Variants in PSMD14 observed in about 807,000 individuals in gnomAD.
PSMD14 encodes ubiquitin C-terminal hydrolase PSMD14.
PSMD14 carries 7 observed loss-of-function variants against 41.2 expected under a neutral mutation model. The observed-to-expected ratio is 0.17, with a 90% CI of 0.10 to 0.32. The LOEUF is 0.32. Among genes scored for constraint, PSMD14 ranks in the 10% least tolerant of loss-of-function variants. The pLI, the probability that PSMD14 is intolerant of heterozygous loss-of-function variation, is 1.00. For synonymous variants in PSMD14, 114 were observed against 122.3 expected (o/e 0.93, Z 0.45); for missense variants, 139 against 375.6 (o/e 0.37, Z 5.21).
At chr2:161,394,219 T>C (rs777641319) in intron 9 of PSMD14, among the ~76,000 whole-genome samples, 20 of 151,960 alleles carry the variant, frequency 1.3e-4, no homozygotes, top group Non-Finnish European at 2.1e-4. Context: ...TGATTCACCC[T>C]CCTTGGCCTC....
chr2:161,320,400 C>A (rs1689190302), intron 3 of PSMD14, among the ~76,000 whole-genome samples: 1 of 152,128 alleles, frequency 6.6e-6, no homozygotes. Flanking sequence ...AGCTTTATAT[C>A]AAGTGAAAAA....
intron 8 of PSMD14, among the ~76,000 whole-genome samples, chr2:161,388,217 G>C (rs1034295603): frequency 2.6e-5 from 4 of 152,026 alleles, no homozygotes; most frequent in Admixed American, 6.6e-5. Context: ...GTATAGTCTT[G>C]AGTACAGTTG....
chr2:161,386,707 C>T (rs1683640401), intron 8 of PSMD14, among the ~76,000 whole-genome samples: 1 of 151,832 alleles, frequency 6.6e-6, no homozygotes, highest in South Asian at 2.1e-4. Flanking sequence ...TGATAATGAC[C>T]TTTCTTATAA....
chr2:161,357,727 G>T (rs1683226924), intron 3 of PSMD14, among the ~76,000 whole-genome samples: 1 of 152,040 alleles, frequency 6.6e-6, no homozygotes, highest in Non-Finnish European at 1.5e-5. Flanking sequence ...CTTTTCTATT[G>T]TCAGTGATGT....
Position 161,370,193 on chromosome 2 carries a change from G to T in PSMD14, c.311+16G>T. On this transcript the variant is annotated intron_variant, in intron 6 of 11. Transcript: ENST00000409682. ...AGACAGGAAGGTAAGCATTTTAAATGATCAGTTAAAGAAATAATGGGAAAT... is the reference window on the plus strand; with the variant it reads ...AGACAGGAAGGTAAGCATTTTAAATTATCAGTTAAAGAAATAATGGGAAAT... 3 of 1,516,852 alleles carry T rather than the reference G, an allele frequency of 2.0e-6. No individual in the cohort carries two copies. Among genetic ancestry groups the T allele is most frequent in the South Asian group, 2.5e-5 (2 of 80,472 alleles). The allele number at this position is 1,516,852 out of a possible 1,614,324, so 94.0% of individuals were successfully genotyped here.
At chr2:161,387,820 A>G (rs1683653900) in intron 8 of PSMD14, among the ~76,000 whole-genome samples, 2 of 151,956 alleles carry the variant, frequency 1.3e-5, no homozygotes, top group Non-Finnish European at 2.9e-5. Flanking sequence ...GTTATTTTTT[A>G]AAGTACTACT....
intron 3 of PSMD14, among the ~76,000 whole-genome samples, chr2:161,327,421 G>A (rs1296062780): frequency 6.6e-6 from 1 of 152,032 alleles, no homozygotes; most frequent in African/African-American, 2.4e-5. Context: ...TTCAGTTACC[G>A]TATCTTTAAA....
chr2:161,406,657 T>G (rs1683951790), intron 10 of PSMD14, among the ~76,000 whole-genome samples: 1 of 152,170 alleles, frequency 6.6e-6, no homozygotes, highest in Non-Finnish European at 1.5e-5. Flanking sequence ...ATTGAAGAGA[T>G]ATGCTTACTC....
intron 3 of PSMD14, among the ~76,000 whole-genome samples, chr2:161,353,705 T>C (rs1347351554): frequency 3.3e-5 from 5 of 152,254 alleles, no homozygotes; most frequent in Non-Finnish European, 1.5e-5. Flanking sequence ...ATTGCAGTTA[T>C]GGTTCTTCTC....
chr2:161,330,093 GATAA>G (rs3841876), intron 3 of PSMD14, among the ~76,000 whole-genome samples: 21,138 of 152,094 alleles, frequency 0.14, 1,697 homozygotes, highest in East Asian at 0.3. Flanking sequence ...ATGCAATTAT[GATAA>G]ATAAATTTGT....
chr2:161,409,534 C>G (rs1233851189), intron 11 of PSMD14: 3 of 152,190 alleles, frequency 2.0e-5, no homozygotes, highest in African/African-American at 7.2e-5. Flanking sequence ...ATTTCAGATG[C>G]AAGACACTAA....
At chr2:161,338,894 G>A (rs901625234) in intron 3 of PSMD14, among the ~76,000 whole-genome samples, 1 of 152,112 alleles carries the variant, frequency 6.6e-6, no homozygotes, top group Middle Eastern at 3.2e-3. Flanking sequence ...TAATCAGTGG[G>A]ATCATATAAT....
intron 7 of PSMD14, among the ~76,000 whole-genome samples, chr2:161,372,265 A>C (rs1683446648): frequency 1.3e-5 from 2 of 152,236 alleles, no homozygotes; most frequent in South Asian, 4.1e-4. Flanking sequence ...AATCCTTTTT[A>C]TGCAGGTTTT....
At chr2:161,327,946 C>CTGTGTGTGTGTGTGTG (rs369674882) in intron 3 of PSMD14, among the ~76,000 whole-genome samples, 6,869 of 116,816 alleles carry the variant, frequency 0.059, 467 homozygotes, top group East Asian at 0.11. Context: ...CTCATGTAAG[C>CTGTGTGTGTGTGTGTG]TGTGTGTGTG....
intron 10 of PSMD14, among the ~76,000 whole-genome samples, chr2:161,398,553 T>A (rs1683833887): frequency 6.6e-6 from 1 of 152,050 alleles, no homozygotes. Flanking sequence ...TTTTTAATTT[T>A]GATAATGTTT....
chr2:161,391,057 G>A, intron 8 of PSMD14, 47 bp from the exon 9 acceptor site: 1 of 1,394,922 alleles, frequency 7.2e-7, no homozygotes, highest in Non-Finnish European at 9.5e-7. Flanking sequence ...ATTTTTATTA[G>A]GTGAAAAATA....
At chr2:161,327,294 G>A (rs1682713198) in intron 3 of PSMD14, among the ~76,000 whole-genome samples, 1 of 152,108 alleles carries the variant, frequency 6.6e-6, no homozygotes, top group African/African-American at 2.4e-5. Flanking sequence ...ACTGGTGTTG[G>A]AGATGGTGGT....
intron 3 of PSMD14, among the ~76,000 whole-genome samples, chr2:161,351,793 G>C (rs1423385461): frequency 6.6e-6 from 1 of 152,110 alleles, no homozygotes; most frequent in Non-Finnish European, 1.5e-5. Flanking sequence ...CGCTATCATT[G>C]AACACTGACT....
intron 3 of PSMD14, among the ~76,000 whole-genome samples, chr2:161,355,021 A>G (rs1392755325): frequency 2.6e-5 from 4 of 152,248 alleles, no homozygotes; most frequent in African/African-American, 9.6e-5. Flanking sequence ...AATTTGTTAA[A>G]TAATTAGAAA....
Sources: allele counts gnomAD v4.1 joint callset (sites outside exome capture counted in the v4.1 genomes callset), GRCh38; gene constraint gnomAD v4.1.1; transcripts MANE v1.5; gene names NCBI Gene and HGNC (gene_info 2026-07-23, HGNC 2026-07-21).